The following YAF2 variants were observed in gnomAD, a reference collection of about 807,000 sequenced individuals.
YAF2 encodes the protein YY1-associated factor 2.
In YAF2, 7 loss-of-function variants were observed where a neutral mutation model predicts 20.1. The ratio of observed to expected loss-of-function variants is 0.35; its 90% CI spans 0.20 to 0.65. The LOEUF (loss-of-function observed/expected upper bound fraction) is 0.65. Among genes scored for constraint, YAF2 ranks in the 30% least tolerant of loss-of-function variants. The pLI, the probability that YAF2 is intolerant of heterozygous loss-of-function variation, is 0.69. For synonymous variants in YAF2, 74 were observed against 76.0 expected, an observed-to-expected ratio of 0.97 and a Z score of 0.14; for missense variants, 151 against 219.2, an observed-to-expected ratio of 0.69 and a Z score of 1.96.
intron 2 of YAF2, among the ~76,000 whole-genome samples, chr12:42,223,919 A>T (rs997891238): frequency 6.6e-6 from 1 of 152,086 alleles, no homozygotes; most frequent in Non-Finnish European, 1.5e-5. Context: ...ACAAATACCT[A>T]ATGCATGCAG....
At chr12:42,195,611 G>A (rs2066729091) in intron 2 of YAF2, among the ~76,000 whole-genome samples, 2 of 152,174 alleles carry the variant, frequency 1.3e-5, no homozygotes, top group Non-Finnish European at 2.9e-5. Flanking sequence ...AGAGCTTAGA[G>A]AAATGAGTCA....
chr12:42,183,290 T>C (rs2066391943), intron 2 of YAF2, among the ~76,000 whole-genome samples: 1 of 152,140 alleles, frequency 6.6e-6, no homozygotes, highest in Non-Finnish European at 1.5e-5. Flanking sequence ...TAATAATTGT[T>C]CAGGTGCGAG....
At chr12:42,162,869 A>T (rs1388589645) in intron 2 of YAF2, among the ~76,000 whole-genome samples, 2 of 152,224 alleles carry the variant, frequency 1.3e-5, no homozygotes, top group Non-Finnish European at 2.9e-5. Context: ...TCCAGGACAG[A>T]TGTCCAATAT....
chr12:42,202,173 C>T (rs1274002739), intron 2 of YAF2, among the ~76,000 whole-genome samples: 1 of 152,158 alleles, frequency 6.6e-6, no homozygotes, highest in Admixed American at 6.5e-5. Flanking sequence ...AATGCCATTT[C>T]TAGCCTTCAC....
At chr12:42,165,005 C>T (rs951513270) in intron 2 of YAF2, among the ~76,000 whole-genome samples, 27 of 149,164 alleles carry the variant, frequency 1.8e-4, no homozygotes, top group African/African-American at 5.7e-4. Context: ...CAGTGAGCCA[C>T]GATCACACCA....
chr12:42,237,434 G>C, intron 2 of YAF2, 165 bp downstream of exon 2: 1 of 1,297,830 alleles, frequency 7.7e-7, no homozygotes, highest in Non-Finnish European at 9.8e-7. Flanking sequence ...GCAAACCATC[G>C]CCTGGGTTGC....
chr12:42,175,266 A>G (rs2066150749), intron 2 of YAF2, among the ~76,000 whole-genome samples: 1 of 152,084 alleles, frequency 6.6e-6, no homozygotes, highest in African/African-American at 2.4e-5. Flanking sequence ...AAAAATACAC[A>G]CTGTATGATT....
chr12:42,170,675 T>TACACACAC, intron 2 of YAF2, among the ~76,000 whole-genome samples: 1 of 150,822 alleles, frequency 6.6e-6, no homozygotes, highest in African/African-American at 2.4e-5. Flanking sequence ...CAAAAAACTA[T>TACACACAC]ACACACACAC....
intron 2 of YAF2, among the ~76,000 whole-genome samples, chr12:42,164,334 A>G (rs930189419): frequency 1.3e-5 from 2 of 152,192 alleles, no homozygotes; most frequent in Non-Finnish European, 2.9e-5. Context: ...TTAGGACAAA[A>G]TATTTTTGGA....
intron 2 of YAF2, among the ~76,000 whole-genome samples, chr12:42,197,396 T>G (rs765508587): frequency 4.6e-5 from 7 of 152,242 alleles, no homozygotes; most frequent in African/African-American, 9.6e-5. Flanking sequence ...GATGGGAGAA[T>G]AAGAAGAATA....
intron 2 of YAF2, among the ~76,000 whole-genome samples, chr12:42,214,877 G>A (rs1033429666): frequency 3.3e-5 from 5 of 151,966 alleles, no homozygotes; most frequent in East Asian, 2.0e-4. Context: ...GGTGGCAGGC[G>A]CCTGCGGTCC....
rs2068058590 is a variant in YAF2 at position 42,234,018 on chromosome 12, A to G, written c.152+3581T>C. On this transcript the variant is annotated intron_variant, in intron 2 of 3. Transcript: ENST00000534854. ...AAACCCCATCTCTACTAAAAATACA[A>G]AAATTAGCCTGGTGTGGTGGCGGGC... 5.5e-6 allele frequency: 4 copies of G among 725,360 alleles called. No individual in the cohort carries two copies. In the South Asian group the frequency reaches 2.5e-4, roughly 45 times the overall value. 44.9% of individuals were successfully genotyped at this position (725,360 alleles called of 1,614,324 possible).
intron 2 of YAF2, among the ~76,000 whole-genome samples, chr12:42,202,598 C>T (rs1413014356): frequency 1.3e-5 from 2 of 152,098 alleles, no homozygotes; most frequent in Admixed American, 1.3e-4. Context: ...ACAGTTTGTT[C>T]TTTGTCATTG....
At chr12:42,179,953 G>T (rs2066300833) in intron 2 of YAF2, among the ~76,000 whole-genome samples, 1 of 152,004 alleles carries the variant, frequency 6.6e-6, no homozygotes, top group African/African-American at 2.4e-5. Flanking sequence ...TCTTTTCTAG[G>T]TATTAATTTT....
intron 2 of YAF2, among the ~76,000 whole-genome samples, chr12:42,211,854 G>T (rs999995548): frequency 6.6e-6 from 1 of 151,316 alleles, no homozygotes; most frequent in Admixed American, 6.6e-5. Flanking sequence ...TTCTAGACCA[G>T]CCTCACTAAC....
intron 2 of YAF2, among the ~76,000 whole-genome samples, chr12:42,205,304 G>T (rs1392213761): frequency 2.6e-5 from 4 of 150,964 alleles, no homozygotes; most frequent in Non-Finnish European, 5.9e-5. Flanking sequence ...TTTTTCTTGG[G>T]TATTTCCGGA....
At chr12:42,237,483 C>T in intron 2 of YAF2, 116 bp downstream of exon 2, 4 of 1,361,868 alleles carry the variant, frequency 2.9e-6, no homozygotes, top group East Asian at 6.3e-5. Flanking sequence ...CAGCCACCTC[C>T]GTCTGCCTCC....
chr12:42,193,902 G>A (rs1197055384), intron 2 of YAF2, among the ~76,000 whole-genome samples: 1 of 152,156 alleles, frequency 6.6e-6, no homozygotes, highest in African/African-American at 2.4e-5. Context: ...TGATATTTAT[G>A]GACCTGACTC....
At chr12:42,215,932 AAATAAATAAATAAAT>A (rs2067343740) in intron 2 of YAF2, among the ~76,000 whole-genome samples, 3 of 6,376 alleles carry the variant, frequency 4.7e-4, no homozygotes, top group African/African-American at 6.3e-3. Context: ...CTCAAAAAAT[AAATAAATAAATAAAT>A]AAATAAATAA....
Sources: gnomAD v4.1 joint callset for allele counts (sites outside exome capture counted in the v4.1 genomes callset) on GRCh38, gnomAD v4.1.1 for gene constraint, MANE v1.5 for transcripts, NCBI Gene and HGNC (gene_info 2026-07-23, HGNC 2026-07-21) for gene names.